The following GABRB3 variants were observed in gnomAD, a reference collection of about 807,000 sequenced individuals.
GABRB3 encodes the protein gamma-aminobutyric acid type A receptor subunit beta3, also known as gamma-aminobutyric acid receptor subunit beta-3.
In GABRB3, 14 loss-of-function variants were observed where a neutral mutation model predicts 52.1. The ratio of observed to expected loss-of-function variants is 0.27; its 90% confidence interval spans 0.18 to 0.42. The LOEUF (loss-of-function observed/expected upper bound fraction) is 0.42. Ranked by LOEUF, GABRB3 falls within the 10% of genes least tolerant of loss-of-function variation. GABRB3 has a pLI of 1.00. For synonymous variants in GABRB3, 260 were observed against 232.3 expected, an observed-to-expected ratio of 1.12 and a Z score of -1.08; for missense variants, 307 against 609.1, an observed-to-expected ratio of 0.50 and a Z score of 5.22.
At position 26,554,191 on chromosome 15, in the gene GABRB3, C is replaced by CA. The variant is rs1567097873; in HGVS notation, c.1081-6058_1081-6057insT. Among the ~76,000 whole-genome samples the CA allele has an allele frequency of 2.9e-3, 45 of 15,572 alleles. 1 individual carries two copies. The highest frequency in any genetic ancestry group is 5.7e-3 in the Non-Finnish European group (40 of 7,004). 10.2% of individuals were successfully genotyped at this position (15,572 alleles called of 152,430 possible). ...TATATATAAAGTATATATATATATA[C>CA]TATATATATATATATATAGTAGAAA... On this transcript the variant is annotated intron_variant, in intron 8 of 8. Coordinates refer to ENST00000311550, the MANE Select transcript of GABRB3 (RefSeq NM_000814.6).
intron 4 of GABRB3, among the ~76,000 whole-genome samples, chr15:26,619,833 C>T (rs998697996): frequency 1.3e-5 from 2 of 151,714 alleles, no homozygotes; most frequent in Admixed American, 6.6e-5. Flanking sequence ...ACACCTACAA[C>T]ACACACATTA....
At chr15:26,571,820 C>G (rs1195377014) in intron 6 of GABRB3, among the ~76,000 whole-genome samples, 2 of 152,034 alleles carry the variant, frequency 1.3e-5, no homozygotes, top group Non-Finnish European at 2.9e-5. Flanking sequence ...GAAGTCAAGG[C>G]AGGTGAATCG....
At chr15:26,751,825 A>C in intron 3 of GABRB3, among the ~76,000 whole-genome samples, 1 of 151,944 alleles carries the variant, frequency 6.6e-6, no homozygotes, top group East Asian at 1.9e-4. Flanking sequence ...TAGGAAAAAA[A>C]GCCATGTTCT....
intron 3 of GABRB3, among the ~76,000 whole-genome samples, chr15:26,760,080 G>C (rs1418092243): frequency 6.6e-6 from 1 of 152,112 alleles, no homozygotes; most frequent in Non-Finnish European, 1.5e-5. Context: ...ACAGCAAAGG[G>C]AACCTGAAGA....
In GABRB3 at chr15:26,605,718, T is replaced by G. The variant is rs149625068; in HGVS notation, c.461+15596A>C. 1.9e-3 allele frequency among the ~76,000 whole-genome samples: 296 copies of G among 152,196 alleles called. 6 individuals are homozygous for G. In the East Asian group the frequency reaches 0.037, roughly 19 times the overall value. Reference sequence around the variant, plus strand: ...TTCTCACTTATTTGTGAGATCTAAATATCAAAACAATTGAACTCACGGAGA... The same window carrying G: ...TTCTCACTTATTTGTGAGATCTAAAGATCAAAACAATTGAACTCACGGAGA... On this transcript the variant is annotated intron_variant, in intron 4 of 8. Coordinates refer to ENST00000311550, the MANE Select transcript of GABRB3 (RefSeq NM_000814.6).
At chr15:26,766,038 C>CA (rs1212536028) in intron 3 of GABRB3, among the ~76,000 whole-genome samples, 1 of 152,196 alleles carries the variant, frequency 6.6e-6, no homozygotes, top group Non-Finnish European at 1.5e-5. Flanking sequence ...CCTACCTCAC[C>CA]AGCTGATGGG....
At chr15:26,704,239 G>A (rs1457922133) in intron 3 of GABRB3, among the ~76,000 whole-genome samples, 1 of 152,252 alleles carries the variant, frequency 6.6e-6, no homozygotes, top group Non-Finnish European at 1.5e-5. Context: ...TGTCTGGGAA[G>A]TGCTGTGCCA....
chr15:26,549,339 G>A (rs973267059), intron 8 of GABRB3, among the ~76,000 whole-genome samples: 3 of 152,120 alleles, frequency 2.0e-5, no homozygotes, highest in Non-Finnish European at 4.4e-5. Flanking sequence ...ACCGCCGGTG[G>A]GATGGCCTCA....
intron 4 of GABRB3, among the ~76,000 whole-genome samples, chr15:26,617,753 T>C (rs1892314890): frequency 6.6e-6 from 1 of 152,130 alleles, no homozygotes. Flanking sequence ...CATGATTATA[T>C]ATCTAGAAAA....
intron 8 of GABRB3, among the ~76,000 whole-genome samples, chr15:26,552,929 C>G (rs746264060): frequency 6.6e-5 from 10 of 152,086 alleles, no homozygotes; most frequent in Non-Finnish European, 1.3e-4. Flanking sequence ...TGGTACCCCA[C>G]CAAATATGTC....
intron 3 of GABRB3, among the ~76,000 whole-genome samples, chr15:26,739,398 G>A (rs1156599988): frequency 2.0e-5 from 3 of 152,018 alleles, no homozygotes; most frequent in Admixed American, 1.3e-4. Context: ...TATCCTTGTT[G>A]ACAAAAACTA....
chr15:26,688,825 T>A (rs769036056), intron 3 of GABRB3, among the ~76,000 whole-genome samples: 2 of 152,176 alleles, frequency 1.3e-5, no homozygotes, highest in African/African-American at 4.8e-5. Context: ...TACAAAGGTT[T>A]CCATAGATGA....
At chr15:26,638,902 C>G (rs1415186983) in intron 3 of GABRB3, among the ~76,000 whole-genome samples, 2 of 152,170 alleles carry the variant, frequency 1.3e-5, no homozygotes, top group African/African-American at 2.4e-5. Context: ...CCACCACGCT[C>G]CGCCGGGAAC....
intron 3 of GABRB3, among the ~76,000 whole-genome samples, chr15:26,735,262 G>T (rs557127008): frequency 6.6e-6 from 1 of 152,130 alleles, no homozygotes; most frequent in Non-Finnish European, 1.5e-5. Context: ...GGGATGTGAA[G>T]AAATTGGAAT....
At chr15:26,674,392 C>A (rs1887993875) in intron 3 of GABRB3, among the ~76,000 whole-genome samples, 1 of 55,266 alleles carries the variant, frequency 1.8e-5, no homozygotes. Flanking sequence ...CAGAGCGAGA[C>A]TCAGTTTCAA....
chr15:26,675,508 T>C (rs1888039679), intron 3 of GABRB3, among the ~76,000 whole-genome samples: 1 of 152,112 alleles, frequency 6.6e-6, no homozygotes, highest in Non-Finnish European at 1.5e-5. Context: ...AAATGACTCA[T>C]GACATTTGTT....
At chr15:26,610,982 AT>A (rs1892047150) in intron 4 of GABRB3, among the ~76,000 whole-genome samples, 1 of 152,210 alleles carries the variant, frequency 6.6e-6, no homozygotes, top group Non-Finnish European at 1.5e-5. Flanking sequence ...TGTTTGAGAA[AT>A]GACTAATTTA....
At chr15:26,657,963 C>A (rs1887424565) in intron 3 of GABRB3, among the ~76,000 whole-genome samples, 1 of 152,162 alleles carries the variant, frequency 6.6e-6, no homozygotes, top group Non-Finnish European at 1.5e-5. Context: ...AAAGTAGCCA[C>A]AAGATTAGAA....
At chr15:26,734,837 G>A (rs1717945716) in intron 3 of GABRB3, among the ~76,000 whole-genome samples, 1 of 152,054 alleles carries the variant, frequency 6.6e-6, no homozygotes, top group Admixed American at 6.6e-5. Flanking sequence ...GATGGCTTGA[G>A]CCTGGGAAGT....
Sources: allele counts gnomAD v4.1 joint callset (sites outside exome capture counted in the v4.1 genomes callset), GRCh38; gene constraint gnomAD v4.1.1; transcripts MANE v1.5; gene names NCBI Gene and HGNC (gene_info 2026-07-23, HGNC 2026-07-21).